RACK1: variants seen among roughly 807,000 people sequenced by gnomAD.
The protein encoded by RACK1 is small ribosomal subunit protein RACK1.
A neutral mutation model predicts 42.2 loss-of-function variants in RACK1; 3 were observed. That is an observed-to-expected ratio of 0.07 (90% CI 0.03 to 0.18). The LOEUF is 0.18. Ranked by LOEUF, RACK1 falls within the 10% of genes least tolerant of loss-of-function variation. RACK1 has a pLI of 1.00. For synonymous variants in RACK1, 181 were observed against 154.8 expected (o/e 1.17, Z -1.25); for missense variants, 146 against 403.2 (o/e 0.36, Z 5.46).
chr5:181,237,340 T>G (rs1261915971), intron 7 of RACK1: 1 of 709,838 alleles, frequency 1.4e-6, no homozygotes, highest in East Asian at 2.7e-5. Context: ...AAACAGCTGG[T>G]GATAAGGCTC....
chr5:181,241,145 A>T, intron 3 of RACK1: 2 of 173,680 alleles, frequency 1.2e-5, no homozygotes, highest in Admixed American at 5.9e-5. Context: ...AAAAAGGCAA[A>T]GATAGGCAGG....
In RACK1 at chr5:181,241,659, C is replaced by A; in HGVS notation, c.282-20G>T. On this transcript the variant is annotated intron_variant, in intron 2 of 7. Transcript: ENST00000512805. ...GTGCCCCTGAGAGGGAGGAGTTTGTCATTCTCAGACTTAGCAAACACTCTC... is the reference window on the plus strand; with the variant it reads ...GTGCCCCTGAGAGGGAGGAGTTTGTAATTCTCAGACTTAGCAAACACTCTC... 1.2e-6 allele frequency: 2 copies of A among 1,613,290 alleles called. No individual in the cohort carries two copies. Among genetic ancestry groups the A allele is most frequent in the Non-Finnish European group, 1.7e-6 (2 of 1,179,488 alleles).
rs1399549323 is a variant in RACK1 at position 181,238,143 on chromosome 5, G to A, written c.733C>T (p.Arg245Cys). The change falls in exon 6 of 8, where the codon CGC (arginine) becomes TGC (cysteine). Residue 245 changes from arginine to cysteine, a missense_variant. Arg to Cys is a radical substitution (Grantham distance 180). Transcript: ENST00000512805. ...CCTGTGGCAGCACACAGCCAGTAGC[G>A]GTTAGGGCTGAAGCACAGGGCGTTG... Reference protein sequence around the residue: ...IINALCFSPNRYWLCAATGPS... With the variant: ...IINALCFSPNCYWLCAATGPS... 1 of 1,614,136 alleles carries A rather than the reference G, an allele frequency of 6.2e-7. No homozygotes were observed. Among genetic ancestry groups the A allele is most frequent in the Admixed American group, 1.7e-5 (1 of 60,010 alleles).
In RACK1 at chr5:181,242,280, G is replaced by A; in HGVS notation, c.175C>T (p.Leu59=). The A allele has an allele frequency of 6.2e-7, 1 of 1,613,896 alleles. No individual in the cohort carries two copies. The highest frequency in any genetic ancestry group is 8.5e-7 in the Non-Finnish European group (1 of 1,179,730). ...ETNYGIPQRA[L]RGHSHFVSDV... is the part of the protein sequence containing the mutation. ...CTAACAAAGTGGGAGTGACCCCGCAGAGCACGCTGTGGAATTCCATAGTTG... is the reference window on the plus strand; with the variant it reads ...CTAACAAAGTGGGAGTGACCCCGCAAAGCACGCTGTGGAATTCCATAGTTG... Residue 59 remains leucine (L), a synonymous_variant, in exon 2 of 8, where the codon CTG becomes TTG. Coordinates refer to ENST00000512805, the MANE Select transcript of RACK1 (RefSeq NM_006098.5).
chr5:181,237,898 T>A, intron 6 of RACK1, 179 bp from the exon 7 acceptor site: 1 of 663,698 alleles, frequency 1.5e-6, no homozygotes. Context: ...TGACATCTAG[T>A]AGAAGCTGGA....
chr5:181,241,327 G>A (rs1759336278), intron 3 of RACK1, 165 bp downstream of exon 3: 1 of 627,300 alleles, frequency 1.6e-6, no homozygotes, highest in African/African-American at 1.9e-5. Context: ...CTACTCGGGA[G>A]ACTGAGGCAC....
intron 6 of RACK1, 150 bp from the exon 7 acceptor site, chr5:181,237,869 T>G: frequency 1.5e-6 from 1 of 660,846 alleles, no homozygotes; most frequent in South Asian, 1.8e-5. Context: ...TTGCCACTAG[T>G]GGAAGGATGG....
At chr5:181,241,066 G>A (rs948271887) in intron 3 of RACK1, 3 of 158,294 alleles carry the variant, frequency 1.9e-5, no homozygotes, top group African/African-American at 7.3e-5. Flanking sequence ...GGAGGTTGTG[G>A]TCAGCCGAGA....
At chr5:181,239,426 T>C in intron 4 of RACK1, 61 bp downstream of exon 4, 1 of 1,180,956 alleles carries the variant, frequency 8.5e-7, no homozygotes, top group Non-Finnish European at 1.3e-6. Flanking sequence ...GGACTTGGAG[T>C]GTATGACCAC....
At chr5:181,237,924 C>G in intron 6 of RACK1, 175 bp downstream of exon 6, 1 of 690,962 alleles carries the variant, frequency 1.4e-6, no homozygotes. Context: ...TGCTAAACAT[C>G]CTGGAATGTA....
rs77347265 is a variant in RACK1 at position 181,239,049 on chromosome 5, C to T, written c.636+18G>A. The T allele has an allele frequency of 2.9e-3, 4,427 of 1,513,716 alleles. 32 individuals carry two copies. The highest frequency in any genetic ancestry group is 0.02 in the African/African-American group (1,468 of 73,020). 93.8% of individuals were successfully genotyped at this position (1,513,716 alleles called of 1,614,324 possible). A position where few individuals can be genotyped will look rare whatever the true frequency, so the allele number is the denominator to read the frequency against. On this transcript the variant is annotated intron_variant, in intron 5 of 7. Coordinates refer to ENST00000512805, the MANE Select transcript of RACK1 (RefSeq NM_006098.5). The stretch of plus-strand genomic sequence containing the variant: ...ACGCTGTCTTCCACTGAGTAGGAGA[C>T]GCCTTGTCCCCAAATACCTTGCCTC...
At position 181,239,624 on chromosome 5, in the gene RACK1, C is replaced by A. The variant is rs753177446; in HGVS notation, c.430-42G>T. ...GGAAATTAGGGCAAACAGTCCTATC[C>A]CATGAAATGCTAGACCTCCCAGCCC... On this transcript the variant is annotated intron_variant, in intron 3 of 7. Coordinates refer to ENST00000512805, the MANE Select transcript of RACK1 (RefSeq NM_006098.5). The A allele has an allele frequency of 9.1e-6, 12 of 1,325,616 alleles. No homozygotes were observed. The East Asian group carries it at 2.8e-4, about 30-fold the overall frequency. 82.1% of individuals were successfully genotyped at this position (1,325,616 alleles called of 1,614,324 possible).
intron 3 of RACK1, among the ~76,000 whole-genome samples, chr5:181,240,624 C>A (rs1235375560): frequency 6.6e-6 from 1 of 151,328 alleles, no homozygotes; most frequent in African/African-American, 2.4e-5. Context: ...ATCCCCAAAT[C>A]CCCGATCCAG....
At chr5:181,239,311 G>T (rs1459473680) in intron 4 of RACK1, 134 bp from the exon 5 acceptor site, 1 of 766,742 alleles carries the variant, frequency 1.3e-6, no homozygotes, top group East Asian at 2.5e-5. Context: ...GCCACTTCAC[G>T]TTAGATTATA....
chr5:181,242,849 G>C, intron 1 of RACK1: 3 of 325,412 alleles, frequency 9.2e-6, no homozygotes, highest in Non-Finnish European at 1.8e-5. Flanking sequence ...GTGAGCCACC[G>C]CGCCCAGCCT....
chr5:181,241,426 C>CAAAAAAAAAAAAAAAAAAA lies in RACK1; in HGVS notation c.429+65_429+66insTTTTTTTTTTTTTTTTTTT, dbSNP rs57063983. ...GCTTGGGCAAGAGTGAGACTGTCGCCAAAAAAAAAAAAAAAAAGCAAAGTT... is the reference window on the plus strand; with the variant it reads ...GCTTGGGCAAGAGTGAGACTGTCGCCAAAAAAAAAAAAAAAAAAAAAAAAAAAAAAAAAAAAGCAAAGTT... On this transcript the variant is annotated intron_variant, in intron 3 of 7. Transcript: ENST00000512805. 252 of 1,074,392 alleles carry CAAAAAAAAAAAAAAAAAAA rather than the reference C, an allele frequency of 2.3e-4. 2 individuals are homozygous for CAAAAAAAAAAAAAAAAAAA. The highest frequency in any genetic ancestry group is 9.2e-4 in the African/African-American group (33 of 35,724). The allele number at this position is 1,074,392 out of a possible 1,614,324, so 66.6% of individuals were successfully genotyped here. A position where few individuals can be genotyped will look rare whatever the true frequency, so the allele number is the denominator to read the frequency against.
chr5:181,238,409 CG>C, intron 5 of RACK1, 170 bp from the exon 6 acceptor site: 2 of 634,516 alleles, frequency 3.2e-6, no homozygotes, highest in East Asian at 5.6e-5. Flanking sequence ...TTTCCTTTAA[CG>C]TAAGACCTTA....
intron 2 of RACK1, 40 bp from the exon 3 acceptor site, chr5:181,241,679 A>G (rs201611053): frequency 2.5e-6 from 4 of 1,605,112 alleles, no homozygotes; most frequent in African/African-American, 1.3e-5. Flanking sequence ...CTTAGCAAAC[A>G]CTCTCATTCA....
At chr5:181,239,294 T>C (rs41285569) in intron 4 of RACK1, 117 bp from the exon 5 acceptor site, 11,095 of 791,552 alleles carry the variant, frequency 0.014, 123 homozygotes, top group Non-Finnish European at 0.02. Flanking sequence ...TTCAGTAACA[T>C]GTCCTGGCCA....
Sources: allele counts gnomAD v4.1 joint callset (sites outside exome capture counted in the v4.1 genomes callset), GRCh38; gene constraint gnomAD v4.1.1; transcripts MANE v1.5; gene names NCBI Gene and HGNC (gene_info 2026-07-23, HGNC 2026-07-21).